Variants in ZDHHC20 observed in about 807,000 individuals in gnomAD.
ZDHHC20 encodes the protein zDHHC palmitoyltransferase 20.
A neutral mutation model predicts 57.8 loss-of-function variants in ZDHHC20; 43 were observed. The observed-to-expected ratio is 0.74, with a 90% CI of 0.58 to 0.96. ZDHHC20 has a LOEUF of 0.96. ZDHHC20 is among the 40% of genes least tolerant of loss of function. ZDHHC20 has a pLI of 0.00. For missense variants in ZDHHC20, 391 were observed against 441.1 expected (o/e 0.89, Z 1.02); for synonymous variants, 157 against 153.0 (o/e 1.03, Z -0.19).
chr13:21,415,117 G>A (rs946756770), intron 3 of ZDHHC20, among the ~76,000 whole-genome samples: 3 of 152,004 alleles, frequency 2.0e-5, no homozygotes, highest in Admixed American at 6.6e-5. Flanking sequence ...TTAACAACAC[G>A]GTATTCTGCT....
chr13:21,441,879 C>T (rs1015804501), intron 1 of ZDHHC20, among the ~76,000 whole-genome samples: 1 of 152,114 alleles, frequency 6.6e-6, no homozygotes, highest in Non-Finnish European at 1.5e-5. Flanking sequence ...AGTTTTCCCT[C>T]TTCCAAAGTC....
intron 1 of ZDHHC20, among the ~76,000 whole-genome samples, chr13:21,428,498 C>A (rs960980800): frequency 7.9e-5 from 12 of 151,682 alleles, no homozygotes; most frequent in Non-Finnish European, 1.8e-4. Flanking sequence ...GGATTACAGG[C>A]GTGAGCCACC....
chr13:21,381,073 C>T (rs1873307262), intron 11 of ZDHHC20, among the ~76,000 whole-genome samples: 1 of 151,814 alleles, frequency 6.6e-6, no homozygotes, highest in African/African-American at 2.4e-5. Flanking sequence ...GTGGCGCGAT[C>T]TCAGCTCACT....
At position 21,432,979 on chromosome 13, in the gene ZDHHC20, T is replaced by C. The variant is rs137874377; in HGVS notation, c.119-7301A>G. Among the ~76,000 whole-genome samples, 780 of 152,352 alleles carry C rather than the reference T, an allele frequency of 5.1e-3. 10 individuals carry two copies. The highest frequency in any genetic ancestry group is 0.018 in the African/African-American group (745 of 41,568). On this transcript the variant is annotated intron_variant, in intron 1 of 12. Transcript: ENST00000400590. The stretch of plus-strand genomic sequence containing the variant: ...TGAACTCTATTTTGTTCCACTGGTC[T>C]ATATGTCCATTCTTACTCAGATACT...
At chr13:21,440,470 G>T (rs1246026336) in intron 1 of ZDHHC20, among the ~76,000 whole-genome samples, 3 of 152,016 alleles carry the variant, frequency 2.0e-5, no homozygotes, top group African/African-American at 7.2e-5. Context: ...AATTAGCCAG[G>T]TATGGTGGCA....
At chr13:21,379,911 G>A (rs1218177151) in intron 11 of ZDHHC20, among the ~76,000 whole-genome samples, 1 of 148,612 alleles carries the variant, frequency 6.7e-6, no homozygotes, top group Non-Finnish European at 1.5e-5. Flanking sequence ...AACCCCCGGG[G>A]TTCACGCCAT....
intron 7 of ZDHHC20, among the ~76,000 whole-genome samples, chr13:21,396,432 T>G (rs1414855699): frequency 6.6e-6 from 1 of 152,108 alleles, no homozygotes; most frequent in Non-Finnish European, 1.5e-5. Context: ...CTGTATAAAT[T>G]TATATGGAAT....
chr13:21,406,338 ATTGAC>A, intron 4 of ZDHHC20, among the ~76,000 whole-genome samples: 1 of 152,082 alleles, frequency 6.6e-6, no homozygotes, highest in Admixed American at 6.5e-5. Flanking sequence ...TGCACATCTA[ATTGAC>A]TCTAGTTAAG....
chr13:21,431,408 G>A (rs956481989), intron 1 of ZDHHC20, among the ~76,000 whole-genome samples: 3 of 152,164 alleles, frequency 2.0e-5, no homozygotes, highest in Non-Finnish European at 4.4e-5. Context: ...CCACAACACA[G>A]GGGAAATTAC....
intron 1 of ZDHHC20, among the ~76,000 whole-genome samples, chr13:21,430,594 GCA>G (rs557629419): frequency 1.4e-3 from 214 of 152,128 alleles, no homozygotes; most frequent in African/African-American, 4.3e-3. Context: ...GGGGGATGGA[GCA>G]CAGTTTGTCT....
rs1872100248 is a variant in ZDHHC20 at position 21,376,516 on chromosome 13, C to T, written c.*180G>A. The stretch of plus-strand genomic sequence containing the variant: ...GGCATCATTCTGCTCTGGAGTAGTG[C>T]TTCTGTGAATCCCAGGAACTGTACA... On this transcript the variant is annotated 3_prime_UTR_variant, in exon 13 of 13. Coordinates refer to ENST00000400590, the MANE Select transcript of ZDHHC20 (RefSeq NM_001330059.2). 6 of 558,394 alleles carry T rather than the reference C, an allele frequency of 1.1e-5. No homozygotes were observed. In the South Asian group the frequency reaches 2.2e-4, roughly 20 times the overall value. The allele number at this position is 558,394 out of a possible 1,614,324, so 34.6% of individuals were successfully genotyped here. A position where few individuals can be genotyped will look rare whatever the true frequency, so the allele number is the denominator to read the frequency against.
intron 7 of ZDHHC20, among the ~76,000 whole-genome samples, chr13:21,399,627 C>T (rs1485030435): frequency 6.6e-6 from 1 of 152,106 alleles, no homozygotes; most frequent in Non-Finnish European, 1.5e-5. Flanking sequence ...CAAAGGATAA[C>T]TGTAGAAAGC....
Position 21,373,088 on chromosome 13 carries a change from GATT to G in ZDHHC20, c.*3605_*3607del, listed in dbSNP as rs1407145764. 1 of 152,162 alleles carries G rather than the reference GATT, an allele frequency of 6.6e-6. No individual in the cohort carries two copies. Among genetic ancestry groups the G allele is most frequent in the African/African-American group, 2.4e-5 (1 of 41,446 alleles). 9.4% of individuals were successfully genotyped at this position (152,162 alleles called of 1,614,324 possible). A position where few individuals can be genotyped will look rare whatever the true frequency, so the allele number is the denominator to read the frequency against. ...AGACATGTATTATCTGTTTCTAACA[GATT>G]ATTACAGGCGGTCTTTATTTTGGCT... On this transcript the variant is annotated 3_prime_UTR_variant, in exon 13 of 13. Coordinates refer to ENST00000400590, the MANE Select transcript of ZDHHC20 (RefSeq NM_001330059.2).
intron 4 of ZDHHC20, among the ~76,000 whole-genome samples, chr13:21,403,939 C>T (rs927334234): frequency 3.9e-5 from 6 of 152,124 alleles, no homozygotes; most frequent in Non-Finnish European, 7.4e-5. Context: ...TCACCCACCT[C>T]GGCCTCCCAA....
At chr13:21,443,543 T>C (rs941841005) in intron 1 of ZDHHC20, among the ~76,000 whole-genome samples, 1 of 152,218 alleles carries the variant, frequency 6.6e-6, no homozygotes, top group East Asian at 1.9e-4. Context: ...GGTTATATAG[T>C]TGATTTTATT....
intron 7 of ZDHHC20, among the ~76,000 whole-genome samples, chr13:21,393,896 T>C (rs1006170611): frequency 2.0e-5 from 3 of 152,246 alleles, no homozygotes; most frequent in African/African-American, 7.2e-5. Context: ...AAAATGTTTT[T>C]AGCCAATATT....
intron 6 of ZDHHC20, among the ~76,000 whole-genome samples, chr13:21,401,167 T>TA (rs1400464515): frequency 6.6e-6 from 1 of 151,880 alleles, no homozygotes; most frequent in Non-Finnish European, 1.5e-5. Flanking sequence ...CAGTCCCAGC[T>TA]ACTTGAGAGA....
rs1419931110 is a variant in ZDHHC20, at chr13:21,402,936, A to G, written c.371-70T>C. 4.1e-6 allele frequency: 5 copies of G among 1,216,472 alleles called. No individual in the cohort carries two copies. The East Asian group carries it at 7.6e-5, about 19-fold the overall frequency. 75.4% of individuals were successfully genotyped at this position (1,216,472 alleles called of 1,614,324 possible). A position where few individuals can be genotyped will look rare whatever the true frequency, so the allele number is the denominator to read the frequency against. The stretch of plus-strand genomic sequence containing the variant: ...TTAACTAATTTGACATTAAAACTTG[A>G]TTTTCTAAAAAAAATAACTCTGGGT... On this transcript the variant is annotated intron_variant, in intron 4 of 12. Transcript: ENST00000400590.
At chr13:21,432,041 A>G (rs1239288784) in intron 1 of ZDHHC20, among the ~76,000 whole-genome samples, 1 of 152,030 alleles carries the variant, frequency 6.6e-6, no homozygotes, top group Non-Finnish European at 1.5e-5. Context: ...AGTTTCTCAT[A>G]TGTTTTCTTC....
Sources: gnomAD v4.1 joint callset for allele counts (sites outside exome capture counted in the v4.1 genomes callset) on GRCh38, gnomAD v4.1.1 for gene constraint, MANE v1.5 for transcripts, NCBI Gene and HGNC (gene_info 2026-07-23, HGNC 2026-07-21) for gene names.